The following SLC22A23 variants were observed in gnomAD, a reference collection of about 807,000 sequenced individuals.
SLC22A23 encodes the protein ion transporter protein.
SLC22A23 carries 26 observed loss-of-function variants against 61.0 expected under a neutral mutation model. The observed-to-expected ratio is 0.43, with a 90% CI of 0.31 to 0.59. The LOEUF (loss-of-function observed/expected upper bound fraction) is 0.59, where lower values mean the gene tolerates loss of function less well. Ranked by LOEUF, SLC22A23 falls within the 20% of genes least tolerant of loss-of-function variation. The pLI, the probability that SLC22A23 is intolerant of heterozygous loss-of-function variation, is 0.11. For missense variants in SLC22A23, 796 were observed against 934.7 expected, an observed-to-expected ratio of 0.85 and a Z score of 1.94; for synonymous variants, 430 against 413.9, an observed-to-expected ratio of 1.04 and a Z score of -0.47.
At chr6:3,311,024 G>A (rs896236398) in intron 4 of SLC22A23, among the ~76,000 whole-genome samples, 6 of 152,228 alleles carry the variant, frequency 3.9e-5, no homozygotes, top group African/African-American at 1.2e-4. Flanking sequence ...TCCACGTGAC[G>A]CCATTCACGG....
chr6:3,404,107 A>G (rs762005197), intron 3 of SLC22A23, among the ~76,000 whole-genome samples: 1 of 152,246 alleles, frequency 6.6e-6, no homozygotes, highest in African/African-American at 2.4e-5. Context: ...TTTGACGCAC[A>G]GTTTAAGAAC....
In SLC22A23 at chr6:3,269,245, T is replaced by G. The variant is rs2127269163; in HGVS notation, c.*3810A>C. The stretch of plus-strand genomic sequence containing the variant: ...GTGTGTTTAATCCAGCCTCTGCCTC[T>G]GACTACCTTTAAGACCAGGACTCGA... On this transcript the variant is annotated 3_prime_UTR_variant, in exon 10 of 10. Transcript: ENST00000406686. 6.6e-6 allele frequency: 1 copy of G among 152,476 alleles called. No homozygotes were observed. The highest frequency in any genetic ancestry group is 1.5e-5 in the Non-Finnish European group (1 of 68,038). 9.4% of individuals were successfully genotyped at this position (152,476 alleles called of 1,614,324 possible).
intron 4 of SLC22A23, chr6:3,311,694 G>C (rs1762375533): frequency 6.6e-6 from 1 of 152,146 alleles, no homozygotes; most frequent in Non-Finnish European, 1.5e-5. Flanking sequence ...AAAATCTCTT[G>C]GGAGAAAAAG....
intron 4 of SLC22A23, chr6:3,313,090 T>C (rs572618211): frequency 6.6e-6 from 1 of 152,354 alleles, no homozygotes; most frequent in African/African-American, 2.4e-5. Flanking sequence ...TCTCCGCTTC[T>C]CCTTGCAGGC....
In SLC22A23 at chr6:3,386,847, T is replaced by G. The variant is rs1325741739; in HGVS notation, c.913+23341A>C. Among the ~76,000 whole-genome samples, 1 of 152,180 alleles carries G rather than the reference T, an allele frequency of 6.6e-6. No homozygotes were observed. Among genetic ancestry groups the G allele is most frequent in the Admixed American group, 6.5e-5 (1 of 15,290 alleles). On this transcript the variant is annotated intron_variant, in intron 3 of 9. Transcript: ENST00000406686. The surrounding 1 kb of genome is among the most constrained non-coding windows in gnomAD (Gnocchi z 4.4). ...TGGCAGCAACATGGGGAACAAGGAC[T>G]TGCTTCCACAGGGCCGGCACCCCAG...
At chr6:3,389,936 G>A (rs749728858) in intron 3 of SLC22A23, among the ~76,000 whole-genome samples, 1 of 152,212 alleles carries the variant, frequency 6.6e-6, no homozygotes, top group Admixed American at 6.5e-5. Context: ...GGCTAACTTC[G>A]CAAAGCTGAT....
In SLC22A23 at chr6:3,390,357, G is replaced by A. The variant is rs985058633; in HGVS notation, c.913+19831C>T. 2.0e-5 allele frequency among the ~76,000 whole-genome samples: 3 copies of A among 152,172 alleles called. No individual in the cohort carries two copies. The highest frequency in any genetic ancestry group is 4.4e-5 in the Non-Finnish European group (3 of 68,036). On this transcript the variant is annotated intron_variant, in intron 3 of 9. Coordinates refer to ENST00000406686, the MANE Select transcript of SLC22A23 (RefSeq NM_015482.2). This position sits in a 1 kb window ranked among gnomAD's most constrained non-coding sequence, Gnocchi z 4.0. ...TCTGTCAGAATGCAGAGAGATCTAA[G>A]TAGATCCTGCATCCCTCTTCTCTGC...
At chr6:3,423,914 A>C (rs1770310036) in intron 1 of SLC22A23, among the ~76,000 whole-genome samples, 1 of 151,968 alleles carries the variant, frequency 6.6e-6, no homozygotes, top group Non-Finnish European at 1.5e-5. Context: ...TGAAATGAGA[A>C]GACTGTAACG....
intron 1 of SLC22A23, among the ~76,000 whole-genome samples, chr6:3,430,376 T>C (rs1770780695): frequency 6.6e-6 from 1 of 151,852 alleles, no homozygotes; most frequent in South Asian, 2.1e-4. Context: ...ACCAACCCCC[T>C]TGACTTCTCA....
chr6:3,374,175 A>C (rs1766408799), intron 3 of SLC22A23, among the ~76,000 whole-genome samples: 1 of 152,238 alleles, frequency 6.6e-6, no homozygotes, highest in Non-Finnish European at 1.5e-5. Flanking sequence ...TTCTTTTGTT[A>C]AATATCATTT....
intron 3 of SLC22A23, among the ~76,000 whole-genome samples, chr6:3,356,425 G>A (rs1372139117): frequency 6.6e-6 from 1 of 151,902 alleles, no homozygotes; most frequent in Non-Finnish European, 1.5e-5. Context: ...CATCCAAGGG[G>A]CAGGGGAAGC....
intron 3 of SLC22A23, among the ~76,000 whole-genome samples, chr6:3,384,822 T>C (rs1217865601): frequency 6.6e-6 from 1 of 152,138 alleles, no homozygotes; most frequent in Non-Finnish European, 1.5e-5. Context: ...GTATTCACAA[T>C]AGCGAGAATG....
Position 3,286,223 on chromosome 6 carries a change from T to C in SLC22A23, c.1546+636A>G, listed in dbSNP as rs1450803656. On this transcript the variant is annotated intron_variant, in intron 7 of 9. Coordinates refer to ENST00000406686, the MANE Select transcript of SLC22A23 (RefSeq NM_015482.2). The surrounding 1 kb of genome is among the most constrained non-coding windows in gnomAD (Gnocchi z 4.2). ...AAGTGATTCTTCTGCCTCAGCCTCC[T>C]GAGTAGCTGGGACTACAGGCGTGTA... is the stretch of plus-strand genomic sequence containing the variant. Among the ~76,000 whole-genome samples, 1 of 151,944 alleles carries C rather than the reference T, an allele frequency of 6.6e-6. No homozygotes were observed. Among genetic ancestry groups the C allele is most frequent in the Non-Finnish European group, 1.5e-5 (1 of 67,982 alleles).
chr6:3,292,739 C>T (rs1012572561), intron 5 of SLC22A23, among the ~76,000 whole-genome samples: 1 of 152,230 alleles, frequency 6.6e-6, no homozygotes, highest in Admixed American at 6.5e-5. Context: ...AAGCTACGCT[C>T]TCCTTGGAAA....
rs151072123 is a variant in SLC22A23 at position 3,302,602 on chromosome 6, T to G, written c.1083-4384A>C. On this transcript the variant is annotated intron_variant, in intron 4 of 9. Coordinates refer to ENST00000406686, the MANE Select transcript of SLC22A23 (RefSeq NM_015482.2). ...ACTTGCCTGTTAATACTGCTTTTGCTGTGTCCCATAGGTTTTAATATATTG... is the reference window on the plus strand; with the variant it reads ...ACTTGCCTGTTAATACTGCTTTTGCGGTGTCCCATAGGTTTTAATATATTG... Among the ~76,000 whole-genome samples, 415 of 152,322 alleles carry G rather than the reference T, an allele frequency of 2.7e-3. 2 individuals are homozygous for G. Among genetic ancestry groups the G allele is most frequent in the African/African-American group, 9.7e-3 (405 of 41,576 alleles).
chr6:3,289,980 G>GTT, intron 5 of SLC22A23, 114 bp from the exon 6 acceptor site: 1 of 537,186 alleles, frequency 1.9e-6, no homozygotes, highest in Non-Finnish European at 3.3e-6. Flanking sequence ...GGAGAGAGAA[G>GTT]CTTTTTTTTT....
rs1388918228 is a variant in SLC22A23, at chr6:3,410,755, G to A, written c.759-413C>T. ...TTGGGATTGGATCAAAAGTCAACAT[G>A]GTCACCAAGCAAAGCGGCTTTGTTT... is the stretch of plus-strand genomic sequence containing the variant. On this transcript the variant is annotated intron_variant, in intron 2 of 9. Coordinates refer to ENST00000406686, the MANE Select transcript of SLC22A23 (RefSeq NM_015482.2). This position sits in a 1 kb window ranked among gnomAD's most constrained non-coding sequence, Gnocchi z 5.0. Among the ~76,000 whole-genome samples, 2 of 152,148 alleles carry A rather than the reference G, an allele frequency of 1.3e-5. No individual in the cohort carries two copies. Among genetic ancestry groups the A allele is most frequent in the Non-Finnish European group, 2.9e-5 (2 of 68,032 alleles).
intron 9 of SLC22A23, among the ~76,000 whole-genome samples, chr6:3,274,869 G>A (rs900852609): frequency 1.4e-5 from 2 of 146,404 alleles, no homozygotes; most frequent in African/African-American, 5.4e-5. Context: ...CCATGTTCAT[G>A]AATTAGAAGA....
chr6:3,396,761 G>A lies in SLC22A23; in HGVS notation c.913+13427C>T, dbSNP rs530345602. ...TTTGGTGGGGCAGTCGGAGAAGAGC[G>A]AGGCTGCCGAGCAGCCTGACTCCAG... On this transcript the variant is annotated intron_variant, in intron 3 of 9. Transcript: ENST00000406686. Among the ~76,000 whole-genome samples, 13 of 152,320 alleles carry A rather than the reference G, an allele frequency of 8.5e-5. No homozygotes were observed. In the South Asian group the frequency reaches 1.9e-3, roughly 22 times the overall value.
Sources: allele counts gnomAD v4.1 joint callset (sites outside exome capture counted in the v4.1 genomes callset), GRCh38; gene constraint gnomAD v4.1.1; non-coding constraint Gnocchi (gnomAD v3.1); transcripts MANE v1.5; gene names NCBI Gene and HGNC (gene_info 2026-07-23, HGNC 2026-07-21).